NRXN3: variants seen among roughly 807,000 people sequenced by gnomAD.
The protein encoded by NRXN3 is neurexin III.
A neutral mutation model predicts 137.6 loss-of-function variants in NRXN3; 32 were observed. The observed-to-expected ratio is 0.23, with a 90% CI of 0.18 to 0.31. NRXN3 has a LOEUF of 0.31. Ranked by LOEUF, NRXN3 falls within the 10% of genes least tolerant of loss-of-function variation. NRXN3 has a pLI of 1.00. For missense variants in NRXN3, 1,574 were observed against 2,062.5 expected (o/e 0.76, Z 4.59); for synonymous variants, 798 against 784.5 (o/e 1.02, Z -0.29).
intron 15 of NRXN3, among the ~76,000 whole-genome samples, chr14:79,393,746 C>T (rs1468193633): frequency 1.3e-5 from 2 of 152,114 alleles, no homozygotes; most frequent in African/African-American, 2.4e-5. Flanking sequence ...ACCCAGGAGG[C>T]AGAGCTTGCA....
chr14:78,649,437 G>T (rs1326946866), intron 5 of NRXN3: 4 of 210,598 alleles, frequency 1.9e-5, no homozygotes, highest in Non-Finnish European at 2.7e-5. Flanking sequence ...TACATTAAAT[G>T]CAAGCCTTTC....
chr14:78,870,274 G>A (rs1596713212), intron 10 of NRXN3, among the ~76,000 whole-genome samples: 2 of 152,166 alleles, frequency 1.3e-5, no homozygotes, highest in South Asian at 4.1e-4. Context: ...TTCCCGTTAA[G>A]CACAATGCTT....
intron 15 of NRXN3, among the ~76,000 whole-genome samples, chr14:79,106,110 T>A (rs77088371): frequency 0.028 from 4,316 of 152,170 alleles, 203 homozygotes; most frequent in African/African-American, 0.099. Context: ...CCCTATTCTG[T>A]CTTCTAGCCT....
chr14:78,855,817 A>G (rs571109214), intron 10 of NRXN3, among the ~76,000 whole-genome samples: 45 of 152,192 alleles, frequency 3.0e-4, no homozygotes, highest in Admixed American at 1.5e-3. Flanking sequence ...TTCTAAGGAG[A>G]GCTTGTTACT....
intron 4 of NRXN3, among the ~76,000 whole-genome samples, chr14:78,512,509 T>C (rs756282071): frequency 3.7e-4 from 56 of 152,108 alleles, no homozygotes; most frequent in Non-Finnish European, 5.9e-4. Flanking sequence ...GAAAGGGAAG[T>C]AGGCTCCAGG....
At chr14:79,589,075 C>T (rs1051695123) in intron 16 of NRXN3, among the ~76,000 whole-genome samples, 7 of 151,978 alleles carry the variant, frequency 4.6e-5, no homozygotes, top group South Asian at 4.2e-4. Context: ...GGCAACATGG[C>T]GAAACCCAAT....
intron 6 of NRXN3, among the ~76,000 whole-genome samples, chr14:78,697,262 C>T (rs2098236336): frequency 6.6e-6 from 1 of 151,866 alleles, no homozygotes; most frequent in Non-Finnish European, 1.5e-5. Context: ...TCCCTTTTCT[C>T]CAATATTTCT....
chr14:78,950,603 AAGAG>A (rs1434109697), intron 10 of NRXN3, among the ~76,000 whole-genome samples: 5 of 152,156 alleles, frequency 3.3e-5, no homozygotes, highest in Middle Eastern at 3.4e-3. Flanking sequence ...AAAAAGAAGA[AAGAG>A]AGGGAGGGAA....
In NRXN3 at chr14:78,563,520, G is replaced by C. The variant is rs148603125; in HGVS notation, c.758-81600G>C. Among the ~76,000 whole-genome samples, 908 of 152,282 alleles carry C rather than the reference G, an allele frequency of 6.0e-3. 10 individuals are homozygous for C. Among genetic ancestry groups the C allele is most frequent in the African/African-American group, 0.021 (862 of 41,566 alleles). ...TAGATCCATCCCCTAGAAAGTAACTGTGTCCAGTTATCAATGGGCAGGGCT... is the reference window on the plus strand; with the variant it reads ...TAGATCCATCCCCTAGAAAGTAACTCTGTCCAGTTATCAATGGGCAGGGCT... On this transcript the variant is annotated intron_variant, in intron 4 of 20. Coordinates refer to ENST00000335750, the MANE Select transcript of NRXN3 (RefSeq NM_001330195.2).
intron 15 of NRXN3, among the ~76,000 whole-genome samples, chr14:79,213,429 A>G (rs1190255003): frequency 6.6e-6 from 1 of 152,230 alleles, no homozygotes; most frequent in African/African-American, 2.4e-5. Flanking sequence ...GCAGAACATA[A>G]TACAGTAAAA....
chr14:78,497,217 C>T (rs760974006), intron 4 of NRXN3, among the ~76,000 whole-genome samples: 1 of 152,026 alleles, frequency 6.6e-6, no homozygotes, highest in East Asian at 1.9e-4. Flanking sequence ...ACAGTAGAAA[C>T]GGTAATACAT....
At chr14:79,502,156 T>C (rs1249300552) in intron 16 of NRXN3, among the ~76,000 whole-genome samples, 2 of 152,200 alleles carry the variant, frequency 1.3e-5, no homozygotes, top group African/African-American at 4.8e-5. Flanking sequence ...AATTGGCACT[T>C]TGAAAGTGAG....
rs543154614 is a variant in NRXN3 at position 79,046,157 on chromosome 14, C to T, written c.3262+58016C>T. ...GAGTAACATGACACCAGTATAACAC[C>T]TTTTGCATTTCTGAAAGCTTCCTTC... is the stretch of plus-strand genomic sequence containing the variant. On this transcript the variant is annotated intron_variant, in intron 15 of 20. Coordinates refer to ENST00000335750, the MANE Select transcript of NRXN3 (RefSeq NM_001330195.2). 7.2e-5 allele frequency among the ~76,000 whole-genome samples: 11 copies of T among 152,200 alleles called. No individual in the cohort carries two copies. The East Asian group carries it at 2.1e-3, about 29-fold the overall frequency.
intron 15 of NRXN3, among the ~76,000 whole-genome samples, chr14:79,219,880 T>A (rs569724624): frequency 5.4e-4 from 82 of 152,204 alleles, no homozygotes; most frequent in Non-Finnish European, 1.1e-3. Context: ...GGAACAAGTA[T>A]GCAAAAGCAA....
intron 16 of NRXN3, among the ~76,000 whole-genome samples, chr14:79,644,300 G>A (rs2098444784): frequency 7.4e-6 from 1 of 135,412 alleles, no homozygotes; most frequent in Admixed American, 7.8e-5. Flanking sequence ...AAGAAACAGA[G>A]GCTAAAAATA....
intron 15 of NRXN3, among the ~76,000 whole-genome samples, chr14:79,394,467 T>C (rs1458820925): frequency 6.6e-6 from 1 of 152,142 alleles, no homozygotes; most frequent in African/African-American, 2.4e-5. Context: ...TAGACTAGCG[T>C]TTTTACTCAG....
At chr14:79,640,256 G>T (rs1364959663) in intron 16 of NRXN3, among the ~76,000 whole-genome samples, 2 of 135,500 alleles carry the variant, frequency 1.5e-5, no homozygotes, top group East Asian at 3.9e-4. Context: ...TCTGCAGATT[G>T]TTAGGATTGC....
At chr14:79,817,199 T>G (rs2099254258) in intron 20 of NRXN3, among the ~76,000 whole-genome samples, 1 of 152,030 alleles carries the variant, frequency 6.6e-6, no homozygotes, top group Admixed American at 6.6e-5. Context: ...ACTACAGGCG[T>G]GTGCCACCAT....
chr14:79,332,507 C>T (rs1371217152), intron 15 of NRXN3, among the ~76,000 whole-genome samples: 1 of 152,178 alleles, frequency 6.6e-6, no homozygotes, highest in Non-Finnish European at 1.5e-5. Context: ...CCGTTTAAGA[C>T]CAGATTTAAA....
Sources: gnomAD v4.1 joint callset for allele counts (sites outside exome capture counted in the v4.1 genomes callset) on GRCh38, gnomAD v4.1.1 for gene constraint, MANE v1.5 for transcripts, NCBI Gene and HGNC (gene_info 2026-07-23, HGNC 2026-07-21) for gene names.